Variants in MICAL2 observed in about 807,000 individuals in gnomAD.
The protein encoded by MICAL2 is microtubule associated monooxygenase, calponin and LIM domain containing 2.
A neutral mutation model predicts 127.3 loss-of-function variants in MICAL2; 77 were observed. The ratio of observed to expected loss-of-function variants is 0.60; its 90% CI spans 0.50 to 0.73. The LOEUF (loss-of-function observed/expected upper bound fraction) is 0.73. Ranked by LOEUF, MICAL2 falls within the 30% of genes least tolerant of loss-of-function variation. The pLI, the probability that MICAL2 is intolerant of heterozygous loss-of-function variation, is 0.00. For missense variants in MICAL2, 1,351 were observed against 1,434.4 expected, an observed-to-expected ratio of 0.94 and a Z score of 0.94; for synonymous variants, 570 against 551.1, an observed-to-expected ratio of 1.03 and a Z score of -0.48.
At chr11:12,308,927 A>G (rs188156944) in intron 29 of MICAL2, among the ~76,000 whole-genome samples, 2 of 152,328 alleles carry the variant, frequency 1.3e-5, no homozygotes, top group East Asian at 3.9e-4. Context: ...ATGAGTTTTA[A>G]TCACGAGTAA....
chr11:12,267,510 C>T (rs1032735944), downstream of MICAL2, among the ~76,000 whole-genome samples: 2 of 152,200 alleles, frequency 1.3e-5, no homozygotes, highest in Admixed American at 6.5e-5. Flanking sequence ...AACCACCCTC[C>T]GCCACTGTCA....
chr11:12,274,785 G>A (rs749338668), upstream of MICAL2: 2 of 152,194 alleles, frequency 1.3e-5, no homozygotes, highest in African/African-American at 2.4e-5. Flanking sequence ...TGCAGGCCTC[G>A]GTAGGGCCTT....
intron 3 of MICAL2, among the ~76,000 whole-genome samples, chr11:12,183,325 C>T (rs117541718): frequency 3.3e-5 from 5 of 152,242 alleles, no homozygotes; most frequent in Non-Finnish European, 7.4e-5. Context: ...TGGGTGAACA[C>T]GTTTGGCGTG....
upstream of MICAL2, chr11:12,274,747 G>C (rs1041567103): frequency 6.6e-6 from 1 of 152,222 alleles, no homozygotes; most frequent in Non-Finnish European, 1.5e-5. Context: ...GTCACGGGAC[G>C]CACTGGGGAC....
intron 1 of MICAL2, among the ~76,000 whole-genome samples, chr11:12,116,435 G>A (rs4756772): frequency 0.3 from 45,057 of 149,418 alleles, 6,863 homozygotes; most frequent in South Asian, 0.36. Context: ...GCTAAGACAA[G>A]GCAGGGCAAA....
chr11:12,327,129 CTA>C (rs1001326380), intron 31 of MICAL2: 8 of 1,514,376 alleles, frequency 5.3e-6, no homozygotes, highest in African/African-American at 2.8e-5. Context: ...TCTTGGGACT[CTA>C]TGTGGAAAGT....
At chr11:12,320,404 A>C (rs1322032007) in intron 30 of MICAL2, among the ~76,000 whole-genome samples, 1 of 152,130 alleles carries the variant, frequency 6.6e-6, no homozygotes, top group East Asian at 1.9e-4. Flanking sequence ...AAACACAAAC[A>C]TTTTATATGT....
At chr11:12,355,207 C>T (rs1349938146) in intron 34 of MICAL2, among the ~76,000 whole-genome samples, 3 of 152,190 alleles carry the variant, frequency 2.0e-5, no homozygotes, top group East Asian at 1.9e-4. Flanking sequence ...TGTGGTCTCA[C>T]TGGGGAGACT....
chr11:12,214,223 T>C lies in MICAL2; in HGVS notation c.847+813T>C, dbSNP rs147300795. 3.7e-3 allele frequency among the ~76,000 whole-genome samples: 557 copies of C among 152,340 alleles called. 5 individuals carry two copies. The highest frequency in any genetic ancestry group is 0.013 in the African/African-American group (531 of 41,570). ...TAAGTAAATTCCAGATACTTTTCCT[T>C]TCTTTTTAACCTGATTAAAAACACA... On this transcript the variant is annotated intron_variant, in intron 7 of 27. Coordinates refer to ENST00000683283, the MANE Select transcript of MICAL2 (RefSeq NM_001282663.2).
chr11:12,330,451 T>C (rs77658861), intron 32 of MICAL2, among the ~76,000 whole-genome samples: 11 of 152,240 alleles, frequency 7.2e-5, no homozygotes, highest in African/African-American at 2.6e-4. Flanking sequence ...ACATGAGTAG[T>C]CTGCGACAGT....
chr11:12,149,244 G>C (rs1853306696), intron 2 of MICAL2, among the ~76,000 whole-genome samples: 1 of 152,138 alleles, frequency 6.6e-6, no homozygotes. Flanking sequence ...AGTATGAGGG[G>C]GCGGGGAAGT....
chr11:12,292,643 G>A (rs1323183375), downstream of MICAL2, among the ~76,000 whole-genome samples: 1 of 152,196 alleles, frequency 6.6e-6, no homozygotes, highest in Non-Finnish European at 1.5e-5. Flanking sequence ...GCTGTAGGAT[G>A]GCAGGCACAG....
At chr11:12,260,230 C>A in intron 26 of MICAL2, 1 of 1,447,000 alleles carries the variant, frequency 6.9e-7, no homozygotes, top group Non-Finnish European at 9.1e-7. Flanking sequence ...GATGGCAGTG[C>A]GTTTGCAGTT....
chr11:12,227,920 G>A (rs182379690), intron 15 of MICAL2, among the ~76,000 whole-genome samples: 1 of 152,180 alleles, frequency 6.6e-6, no homozygotes, highest in Non-Finnish European at 1.5e-5. Flanking sequence ...TGGTGCCATG[G>A]GACACAGTTT....
intron 29 of MICAL2, among the ~76,000 whole-genome samples, chr11:12,315,596 TCA>T (rs1339248625): frequency 6.7e-6 from 1 of 149,662 alleles, no homozygotes; most frequent in Non-Finnish European, 1.5e-5. Flanking sequence ...TCTCCTGTGG[TCA>T]GAGAACATGG....
chr11:12,132,624 T>C (rs1159245501), intron 1 of MICAL2, among the ~76,000 whole-genome samples: 1 of 152,182 alleles, frequency 6.6e-6, no homozygotes, highest in Non-Finnish European at 1.5e-5. Flanking sequence ...CGGTGTGGCA[T>C]TATGAAGCCT....
chr11:12,197,204 A>AT (rs1860044506), intron 3 of MICAL2, among the ~76,000 whole-genome samples: 1 of 152,222 alleles, frequency 6.6e-6, no homozygotes, highest in Non-Finnish European at 1.5e-5. Context: ...ACCTGGAAGG[A>AT]TTAATATAGG....
chr11:12,187,276 G>A (rs907253056), intron 3 of MICAL2, among the ~76,000 whole-genome samples: 3 of 152,168 alleles, frequency 2.0e-5, no homozygotes, highest in African/African-American at 7.2e-5. Context: ...TCATTAAATG[G>A]TTTCATAGTC....
chr11:12,162,571 C>T, intron 3 of MICAL2, 152 bp downstream of exon 3: 1 of 1,107,202 alleles, frequency 9.0e-7, no homozygotes, highest in East Asian at 2.6e-5. Context: ...TCCTTTGTCT[C>T]TAAGCATCAG....
Sources: allele counts gnomAD v4.1 joint callset (sites outside exome capture counted in the v4.1 genomes callset), GRCh38; gene constraint gnomAD v4.1.1; transcripts MANE v1.5; gene names NCBI Gene and HGNC (gene_info 2026-07-23, HGNC 2026-07-21).